Variants in TPH1 observed in about 807,000 individuals in gnomAD.
The protein encoded by TPH1 is tryptophan 5-hydroxylase 1.
A neutral mutation model predicts 49.5 loss-of-function variants in TPH1; 37 were observed. The ratio of observed to expected loss-of-function variants is 0.75; its 90% confidence interval spans 0.58 to 0.98. TPH1 has a LOEUF of 0.98. TPH1 is among the 50% of genes least tolerant of loss of function. TPH1 has a pLI of 0.00. For synonymous variants in TPH1, 160 were observed against 182.1 expected (o/e 0.88, Z 0.98); for missense variants, 487 against 523.6 (o/e 0.93, Z 0.68).
intron 6 of TPH1, among the ~76,000 whole-genome samples, chr11:18,028,869 A>C (rs1847954645): frequency 6.6e-6 from 1 of 152,064 alleles, no homozygotes; most frequent in South Asian, 2.1e-4. Flanking sequence ...GTTCAAGACC[A>C]GCCTGGCCAA....
At chr11:18,025,872 T>C (rs1034015281) in intron 7 of TPH1, among the ~76,000 whole-genome samples, 171 bp from the exon 8 acceptor site, 7 of 152,166 alleles carry the variant, frequency 4.6e-5, no homozygotes, top group African/African-American at 1.7e-4. Flanking sequence ...GTTCAAAACC[T>C]TGGCCACTCA....
chr11:18,026,415 A>AAAAAAAAAAC, intron 7 of TPH1, 75 bp downstream of exon 7: 1 of 1,264,668 alleles, frequency 7.9e-7, no homozygotes, highest in African/African-American at 1.6e-5. Context: ...AAAAAAAAAA[A>AAAAAAAAAAC]AAGAACCCAT....
intron 2 of TPH1, among the ~76,000 whole-genome samples, chr11:18,036,357 C>T (rs1235938840): frequency 1.3e-5 from 2 of 152,090 alleles, no homozygotes; most frequent in Admixed American, 6.5e-5. Context: ...CTCCAGAAAC[C>T]AATAAAATAA....
At chr11:18,022,612 T>C (rs1297261588) in intron 10 of TPH1, among the ~76,000 whole-genome samples, 186 bp downstream of exon 10, 1 of 152,224 alleles carries the variant, frequency 6.6e-6, no homozygotes, top group African/African-American at 2.4e-5. Flanking sequence ...TGATTCATAT[T>C]TGCAACTATG....
intron 4 of TPH1, among the ~76,000 whole-genome samples, chr11:18,032,604 C>G (rs1417445775): frequency 4.0e-5 from 5 of 124,894 alleles, no homozygotes; most frequent in African/African-American, 1.6e-4. Flanking sequence ...GGAGTGCGGT[C>G]GTGTGATCTC....
intron 2 of TPH1, among the ~76,000 whole-genome samples, chr11:18,038,306 G>C (rs1848065004): frequency 6.6e-6 from 1 of 152,170 alleles, no homozygotes; most frequent in Admixed American, 6.5e-5. Context: ...GTCTCCACTA[G>C]GCAGGTGGAG....
At chr11:18,023,832 G>A (rs1460294600) in intron 9 of TPH1, 56 bp downstream of exon 9, 34 of 1,407,766 alleles carry the variant, frequency 2.4e-5, no homozygotes, top group Non-Finnish European at 3.2e-5. Context: ...ACTATTTCAG[G>A]TTTTATCAAT....
chr11:18,022,700 G>A (rs1327850763), intron 10 of TPH1, 98 bp downstream of exon 10: 16 of 1,347,590 alleles, frequency 1.2e-5, no homozygotes, highest in Non-Finnish European at 1.6e-5. Flanking sequence ...CTCCTTGTGG[G>A]CTTCAAATTA....
intron 10 of TPH1, 51 bp downstream of exon 10, chr11:18,022,747 G>C (rs761499092): frequency 1.2e-6 from 2 of 1,602,648 alleles, no homozygotes; most frequent in Non-Finnish European, 1.7e-6. Flanking sequence ...TACCATAATG[G>C]GGCTGATCTT....
At position 18,029,146 on chromosome 11, in the gene TPH1, A is replaced by C; in HGVS notation, c.667+19T>G. ...CAGAGTTCAGCAACTCCCTTACAAA[A>C]AATTAATTAGCTTATTACCTTTTAA... On this transcript the variant is annotated intron_variant, in intron 6 of 10. Transcript: ENST00000682019. The C allele has an allele frequency of 6.3e-7, 1 of 1,586,736 alleles. No homozygotes were observed. The highest frequency in any genetic ancestry group is 1.3e-5 in the African/African-American group (1 of 74,480).
At chr11:18,031,989 G>C (rs949808037) in intron 4 of TPH1, among the ~76,000 whole-genome samples, 1 of 151,852 alleles carries the variant, frequency 6.6e-6, no homozygotes, top group Non-Finnish European at 1.5e-5. Flanking sequence ...TAGACTACAT[G>C]CTCCTTTCCG....
chr11:18,021,001 G>T lies in TPH1; in HGVS notation c.1325C>A (p.Pro442Gln). Residue 442 changes from proline to glutamine, a missense_variant, in exon 11 of 11, where the codon CCG becomes CAG. By Grantham distance (76) the Pro-to-Gln change is moderately conservative. Coordinates refer to ENST00000682019, the MANE Select transcript of TPH1 (RefSeq NM_004179.3). ...SDALAKVSRK[P>Q]SI ...GATGACTGGCTACTGTTAGATACTCGGCTTCCTGCTGACCTTAGCAAGGGC... is the reference window on the plus strand; with the variant it reads ...GATGACTGGCTACTGTTAGATACTCTGCTTCCTGCTGACCTTAGCAAGGGC... 1 of 1,613,832 alleles carries T rather than the reference G, an allele frequency of 6.2e-7. No individual in the cohort carries two copies.
chr11:18,045,636 G>T (rs1381077022), intron 1 of TPH1, among the ~76,000 whole-genome samples: 1 of 152,124 alleles, frequency 6.6e-6, no homozygotes, highest in African/African-American at 2.4e-5. Flanking sequence ...AGTTCACACG[G>T]ACTCTTAACT....
chr11:18,036,067 C>G lies in TPH1; in HGVS notation c.193G>C (p.Asp65His). 2.5e-6 allele frequency: 4 copies of G among 1,613,100 alleles called. 1 individual carries two copies. In the South Asian group the frequency reaches 3.3e-5, roughly 13 times the overall value. Residue 65 changes from aspartate (D) to histidine (H), a missense_variant, in exon 3 of 11, where the codon GAC (aspartate) becomes CAC (histidine). Asp to His is a moderately conservative substitution (Grantham distance 81, BLOSUM62 -1). Transcript: ENST00000682019. ...RRNSEFEIFV[D>H]CDINREQLND... ...AATTGTTCTCTGTTGATGTCACAGT[C>G]AACAAAAATCTCAAATTCTGAGTTT...
chr11:18,044,431 G>C (rs1316090740), intron 1 of TPH1, among the ~76,000 whole-genome samples: 24 of 152,106 alleles, frequency 1.6e-4, no homozygotes, highest in Non-Finnish European at 1.5e-5. Context: ...CAAAAAAAAA[G>C]ATGTGGAAAC....
At position 18,018,652 on chromosome 11, in the gene TPH1, CAA is replaced by C; in HGVS notation, c.*2337_*2338del. 1 of 95,830 alleles carries C rather than the reference CAA, an allele frequency of 1.0e-5. No homozygotes were observed. Among genetic ancestry groups the C allele is most frequent in the Non-Finnish European group, 1.9e-5 (1 of 52,992 alleles). 5.9% of individuals were successfully genotyped at this position (95,830 alleles called of 1,614,324 possible). On this transcript the variant is annotated 3_prime_UTR_variant, in exon 11 of 11. Coordinates refer to ENST00000682019, the MANE Select transcript of TPH1 (RefSeq NM_004179.3). ...CTGCACTCCAGCCTGGGCGACAGAG[CAA>C]GACTCCGTCTCAAAAAAAAAAAAAA...
intron 2 of TPH1, among the ~76,000 whole-genome samples, chr11:18,036,710 C>T (rs1848050887): frequency 6.6e-6 from 1 of 152,050 alleles, no homozygotes; most frequent in Non-Finnish European, 1.5e-5. Context: ...TGTTCTCTTA[C>T]CAATTTGGGT....
In TPH1 at chr11:18,019,807, A is replaced by G; in HGVS notation, c.*1184T>C. The G allele has an allele frequency of 2.2e-6, 1 of 453,852 alleles. No individual in the cohort carries two copies. The highest frequency in any genetic ancestry group is 1.6e-5 in the South Asian group (1 of 63,856). The allele number at this position is 453,852 out of a possible 1,614,324, so 28.1% of individuals were successfully genotyped here. On this transcript the variant is annotated 3_prime_UTR_variant, in exon 11 of 11. Transcript: ENST00000682019. ...TTTTGGAGTTCAGCTTCACCCATTT[A>G]TAACAGGACTGCTTACTCCCTGTGC... is the stretch of plus-strand genomic sequence containing the variant.
Position 18,035,970 on chromosome 11 carries a change from A to C in TPH1, c.290T>G (p.Leu97Trp), listed in dbSNP as rs1376442201. The part of the protein sequence containing the change: ...LSVNLPDNFT[L>W]KEDGMETVPW... ...CATTTTGAACTTACCATCTTCCTTC[A>C]AAGTAAAATTATCTGGTAGATTCAC... is the stretch of plus-strand genomic sequence containing the variant. The change falls in exon 3 of 11, where the codon TTG becomes TGG. Residue 97 changes from leucine to tryptophan, a missense_variant. Transcript: ENST00000682019. 2.5e-6 allele frequency: 4 copies of C among 1,611,542 alleles called. No individual in the cohort carries two copies. Among genetic ancestry groups the C allele is most frequent in the Non-Finnish European group, 3.4e-6 (4 of 1,179,688 alleles).
Sources: allele counts gnomAD v4.1 joint callset (sites outside exome capture counted in the v4.1 genomes callset), GRCh38; gene constraint gnomAD v4.1.1; transcripts MANE v1.5; gene names NCBI Gene and HGNC (gene_info 2026-07-23, HGNC 2026-07-21).